FYTTD1: variants seen among roughly 807,000 people sequenced by gnomAD.
FYTTD1 encodes UAP56-interacting factor.
FYTTD1 carries 22 observed loss-of-function variants against 40.9 expected under a neutral mutation model. That is an observed-to-expected ratio of 0.54 (90% confidence interval 0.38 to 0.77). The LOEUF (loss-of-function observed/expected upper bound fraction) is 0.77, where lower values mean the gene tolerates loss of function less well. Among genes scored for constraint, FYTTD1 ranks in the 30% least tolerant of loss-of-function variants. FYTTD1 has a pLI of 0.00. For synonymous variants in FYTTD1, 140 were observed against 137.9 expected (o/e 1.01, Z -0.10); for missense variants, 351 against 392.2 (o/e 0.90, Z 0.89).
rs1395138222 is a variant in FYTTD1 at position 197,783,035 on chromosome 3, C to G, written c.*1126C>G. The G allele has an allele frequency of 6.6e-6, 1 of 152,472 alleles. No individual in the cohort carries two copies. The highest frequency in any genetic ancestry group is 1.5e-5 in the Non-Finnish European group (1 of 68,006). The allele number at this position is 152,472 out of a possible 1,614,324, so 9.4% of individuals were successfully genotyped here. On this transcript the variant is annotated 3_prime_UTR_variant, in exon 9 of 9. Coordinates refer to ENST00000241502, the MANE Select transcript of FYTTD1 (RefSeq NM_032288.7). ...GAGTTACATTAACCTTGTTGTTTAC[C>G]TTTCACTGATTTCTTATATGGTATA...
chr3:197,780,222 T>C (rs1008105315), intron 8 of FYTTD1, among the ~76,000 whole-genome samples: 1 of 152,092 alleles, frequency 6.6e-6, no homozygotes, highest in Non-Finnish European at 1.5e-5. Context: ...CATACTTGGC[T>C]AATTCTTATA....
At chr3:197,755,722 A>G in intron 1 of FYTTD1, 1 of 1,314,940 alleles carries the variant, frequency 7.6e-7, no homozygotes, top group Non-Finnish European at 1.0e-6. Flanking sequence ...TCCTGACCTC[A>G]AATGATCCGC....
chr3:197,751,050 C>T (rs964001115), intron 1 of FYTTD1, among the ~76,000 whole-genome samples: 1 of 152,112 alleles, frequency 6.6e-6, no homozygotes, highest in Non-Finnish European at 1.5e-5. Context: ...GGCAGTTTTT[C>T]GGATATTTGA....
chr3:197,750,157 G>C, intron 1 of FYTTD1, 83 bp downstream of exon 1: 1 of 1,077,564 alleles, frequency 9.3e-7, no homozygotes, highest in Non-Finnish European at 1.3e-6. Flanking sequence ...GGGCAGGGGC[G>C]GTCGGCAGCA....
At chr3:197,766,530 C>G (rs1487897852) in intron 2 of FYTTD1, among the ~76,000 whole-genome samples, 3 of 150,920 alleles carry the variant, frequency 2.0e-5, no homozygotes, top group South Asian at 4.2e-4. Context: ...GTAACCTCTG[C>G]TTCCCAGGCT....
At position 197,781,776 on chromosome 3, in the gene FYTTD1, C is replaced by T. The variant is rs944849571; in HGVS notation, c.859-35C>T. 12 of 1,480,386 alleles carry T rather than the reference C, an allele frequency of 8.1e-6. 1 individual carries two copies. In the South Asian group the frequency reaches 1.3e-4, roughly 16 times the overall value. The allele number at this position is 1,480,386 out of a possible 1,614,324, so 91.7% of individuals were successfully genotyped here. On this transcript the variant is annotated intron_variant, in intron 8 of 8. Transcript: ENST00000241502. Reference sequence around the variant, plus strand: ...CCTTCAGTAAAGTTGTTAATTGTTGCTTTGTTGTTGTTTTTGTTTTTTTCT... The same window carrying T: ...CCTTCAGTAAAGTTGTTAATTGTTGTTTTGTTGTTGTTTTTGTTTTTTTCT...
rs543262462 is a variant in FYTTD1 at position 197,770,876 on chromosome 3, G to A, written c.497+632G>A. On this transcript the variant is annotated intron_variant, in intron 4 of 8. Coordinates refer to ENST00000241502, the MANE Select transcript of FYTTD1 (RefSeq NM_032288.7). ...GGTAGAACTCTTAACATCTTAGTGG[G>A]AATTATTCAAAATTGAGAATTCTGA... Among the ~76,000 whole-genome samples, 8 of 152,294 alleles carry A rather than the reference G, an allele frequency of 5.3e-5. No homozygotes were observed. In the East Asian group the frequency reaches 1.3e-3, roughly 26 times the overall value.
rs747761697 is a variant in FYTTD1, at chr3:197,756,493, C to G, written c.171C>G (p.Leu57=). The G allele has an allele frequency of 1.2e-6, 2 of 1,611,842 alleles. No individual in the cohort carries two copies. The highest frequency in any genetic ancestry group is 2.7e-5 in the African/African-American group (2 of 74,888). ...KQNFPRLNRR[L]LQQSGAQQFR... is the part of the protein sequence containing the mutation. ...ATTTTCCAAGACTAAATAGAAGACT[C>G]CTCCAGCAAAGTGGTGCCCAGCAAT... The change falls in exon 2 of 9, where the codon CTC becomes CTG. Residue 57 remains leucine (L), a synonymous_variant. Coordinates refer to ENST00000241502, the MANE Select transcript of FYTTD1 (RefSeq NM_032288.7).
chr3:197,750,526 C>T (rs985051927), intron 1 of FYTTD1: 7 of 985,760 alleles, frequency 7.1e-6, no homozygotes, highest in African/African-American at 3.5e-5. Context: ...CTTGGAGAGC[C>T]CGGCCGGGGC....
At chr3:197,757,011 T>C (rs531909088) in intron 2 of FYTTD1, among the ~76,000 whole-genome samples, 1 of 152,302 alleles carries the variant, frequency 6.6e-6, no homozygotes, top group East Asian at 1.9e-4. Context: ...TTCGGTAAAG[T>C]TATAGAAAGC....
At chr3:197,762,615 G>T (rs1299008127) in intron 2 of FYTTD1, among the ~76,000 whole-genome samples, 3 of 145,620 alleles carry the variant, frequency 2.1e-5, no homozygotes, top group Non-Finnish European at 4.5e-5. Context: ...GGGCGCGGTG[G>T]CTCATGCCTG....
chr3:197,755,441 T>C (rs1729183252), intron 1 of FYTTD1, among the ~76,000 whole-genome samples: 1 of 151,826 alleles, frequency 6.6e-6, no homozygotes, highest in Non-Finnish European at 1.5e-5. Flanking sequence ...AAGGTGGTCA[T>C]CTTTTTTTAC....
chr3:197,780,127 ATCAGCACACCTGGGGATACAGGCACACAC>A (rs1729990389), intron 8 of FYTTD1, among the ~76,000 whole-genome samples: 13 of 129,176 alleles, frequency 1.0e-4, no homozygotes, highest in African/African-American at 3.2e-4. Flanking sequence ...AGGCACACAC[ATCAGCACACCTGGGGATACAGGCACACAC>A]CCACACCTGG....
chr3:197,764,275 A>C (rs2109043657), intron 2 of FYTTD1, among the ~76,000 whole-genome samples: 1 of 152,388 alleles, frequency 6.6e-6, no homozygotes, highest in Middle Eastern at 3.4e-3. Context: ...TAATTGGGGC[A>C]GTATGTATAC....
chr3:197,778,815 C>A (rs1729945832), intron 8 of FYTTD1, among the ~76,000 whole-genome samples: 1 of 152,106 alleles, frequency 6.6e-6, no homozygotes, highest in Non-Finnish European at 1.5e-5. Flanking sequence ...TGTTTTCAGT[C>A]CTCGGATATT....
intron 3 of FYTTD1, among the ~76,000 whole-genome samples, chr3:197,768,864 C>G (rs1261167302): frequency 6.6e-6 from 1 of 151,972 alleles, no homozygotes; most frequent in Non-Finnish European, 1.5e-5. Flanking sequence ...GTGATCTTGG[C>G]TCACTGCAAT....
At chr3:197,756,306 A>G in intron 1 of FYTTD1, 120 bp from the exon 2 acceptor site, 1 of 704,154 alleles carries the variant, frequency 1.4e-6, no homozygotes, top group Non-Finnish European at 2.5e-6. Context: ...TTATCCTCTT[A>G]TGGAAGTGCT....
rs1005335979 is a variant in FYTTD1, at chr3:197,756,458, A to G, written c.136A>G (p.Lys46Glu). 1 of 1,608,194 alleles carries G rather than the reference A, an allele frequency of 6.2e-7. No homozygotes were observed. The highest frequency in any genetic ancestry group is 8.5e-7 in the Non-Finnish European group (1 of 1,174,590). ...DIIKLNRKEG[K>E]KQNFPRLNRR... ...CATCAAGTTGAATCGAAAGGAAGGG[A>G]AGAAGCAGAATTTTCCAAGACTAAA... is the stretch of plus-strand genomic sequence containing the variant. The change falls in exon 2 of 9, where the codon AAG (lysine) becomes GAG (glutamate). Residue 46 changes from lysine (K) to glutamate (E), a missense_variant. Lys to Glu is a moderately conservative substitution (Grantham distance 56). Coordinates refer to ENST00000241502, the MANE Select transcript of FYTTD1 (RefSeq NM_032288.7).
chr3:197,749,747 G>A (rs887695183), upstream of FYTTD1: 16 of 596,218 alleles, frequency 2.7e-5, no homozygotes, highest in Admixed American at 9.0e-5. Context: ...GCAATGCCTC[G>A]TCCGATCCTG....
Sources: gnomAD v4.1 joint callset for allele counts (sites outside exome capture counted in the v4.1 genomes callset) on GRCh38, gnomAD v4.1.1 for gene constraint, MANE v1.5 for transcripts, NCBI Gene and HGNC (gene_info 2026-07-23, HGNC 2026-07-21) for gene names.